The following UTRN variants were observed in gnomAD, a reference collection of about 807,000 sequenced individuals.
UTRN encodes utrophin.
Under a neutral mutation model 463.9 loss-of-function variants are expected in UTRN, and 283 were observed. The ratio of observed to expected loss-of-function variants is 0.61; its 90% CI spans 0.55 to 0.67. The LOEUF is 0.67. Ranked by LOEUF, UTRN falls within the 30% of genes least tolerant of loss-of-function variation. UTRN has a pLI of 0.00. For missense variants in UTRN, 3,922 were observed against 4,084.3 expected (o/e 0.96, Z 1.08); for synonymous variants, 1,442 against 1,431.5 (o/e 1.01, Z -0.17).
rs536015515 is a variant in UTRN at position 144,697,155 on chromosome 6, G to C, written c.7653-2932G>C. ...ATATTCTGTAGTAGACATCATCCTAGGTTGATAATACAGTCAATAAAAGTG... is the reference window on the plus strand; with the variant it reads ...ATATTCTGTAGTAGACATCATCCTACGTTGATAATACAGTCAATAAAAGTG... On this transcript the variant is annotated intron_variant, in intron 52 of 74. Coordinates refer to ENST00000367545, the MANE Select transcript of UTRN (RefSeq NM_007124.3). 4.6e-5 allele frequency among the ~76,000 whole-genome samples: 7 copies of C among 152,176 alleles called. No individual in the cohort carries two copies. The East Asian group carries it at 1.4e-3, about 29-fold the overall frequency.
chr6:144,530,539 G>A (rs1323054703), intron 41 of UTRN, among the ~76,000 whole-genome samples: 5 of 152,012 alleles, frequency 3.3e-5, no homozygotes, highest in African/African-American at 9.7e-5. Context: ...TATTCTTGCC[G>A]GGAACTAAGT....
intron 66 of UTRN, 115 bp from the exon 67 acceptor site, chr6:144,827,233 C>A: frequency 7.9e-7 from 1 of 1,267,884 alleles, no homozygotes; most frequent in Non-Finnish European, 1.1e-6. Flanking sequence ...CTCAGGGCAA[C>A]CACATATATG....
intron 58 of UTRN, among the ~76,000 whole-genome samples, chr6:144,769,973 C>T (rs1006426764): frequency 2.0e-5 from 3 of 152,154 alleles, no homozygotes; most frequent in African/African-American, 7.2e-5. Context: ...GAATTTAGGT[C>T]AAACAACTTC....
At chr6:144,767,825 C>G (rs1477696418) in intron 58 of UTRN, among the ~76,000 whole-genome samples, 5 of 152,034 alleles carry the variant, frequency 3.3e-5, no homozygotes, top group Non-Finnish European at 5.9e-5. Context: ...TTTTACTTAT[C>G]TTTAGTTTTG....
intron 8 of UTRN, 119 bp from the exon 9 acceptor site, chr6:144,429,462 G>C: frequency 1.2e-6 from 1 of 854,098 alleles, no homozygotes; most frequent in Non-Finnish European, 1.7e-6. Context: ...GTATTGCAAA[G>C]ATTATATATT....
At chr6:144,690,707 C>G (rs1783310346) in intron 52 of UTRN, among the ~76,000 whole-genome samples, 1 of 152,172 alleles carries the variant, frequency 6.6e-6, no homozygotes, top group South Asian at 2.1e-4. Flanking sequence ...GCACACACAG[C>G]ACATCCCGAT....
intron 58 of UTRN, 184 bp downstream of exon 58, chr6:144,758,173 A>G: frequency 2.0e-6 from 1 of 505,920 alleles, no homozygotes; most frequent in Non-Finnish European, 3.5e-6. Context: ...TTCATGTATC[A>G]GATTAGGGAT....
intron 59 of UTRN, among the ~76,000 whole-genome samples, chr6:144,774,049 A>T (rs1392101730): frequency 6.6e-6 from 1 of 152,122 alleles, no homozygotes; most frequent in South Asian, 2.1e-4. Flanking sequence ...GAGCCCTGAC[A>T]CCTGTTGAAA....
At chr6:144,779,362 G>T (rs746034502) in intron 60 of UTRN, among the ~76,000 whole-genome samples, 12 of 152,152 alleles carry the variant, frequency 7.9e-5, no homozygotes, top group Non-Finnish European at 1.5e-4. Flanking sequence ...ACTGTGTACA[G>T]TTGACCCTTG....
chr6:144,703,095 A>T (rs1031993573), intron 53 of UTRN, among the ~76,000 whole-genome samples: 1 of 152,210 alleles, frequency 6.6e-6, no homozygotes, highest in Non-Finnish European at 1.5e-5. Context: ...GAGATGATGA[A>T]GAGTAACTGC....
intron 51 of UTRN, among the ~76,000 whole-genome samples, chr6:144,667,056 T>A (rs536347983): frequency 1.4e-5 from 2 of 139,980 alleles, no homozygotes; most frequent in Admixed American, 6.8e-5. Context: ...TCCTTCTACT[T>A]CTTCTTCTTC....
chr6:144,479,798 C>T lies in UTRN; in HGVS notation c.3337-14C>T. 1 of 1,606,664 alleles carries T rather than the reference C, an allele frequency of 6.2e-7. No individual in the cohort carries two copies. Among genetic ancestry groups the T allele is most frequent in the Non-Finnish European group, 8.5e-7 (1 of 1,176,850 alleles). The stretch of plus-strand genomic sequence containing the variant: ...AACATTTGTTTATTTGGGGGAATGG[C>T]TTTTCCTTTGTAGATCGCTACTCAA... On this transcript the variant is annotated splice_polypyrimidine_tract_variant and intron_variant, in intron 25 of 74. Transcript: ENST00000367545.
chr6:144,341,327 T>C (rs755894320), intron 2 of UTRN, among the ~76,000 whole-genome samples: 112 of 152,254 alleles, frequency 7.4e-4, no homozygotes, highest in Admixed American at 1.4e-3. Context: ...TGTTGTACTT[T>C]GTATAGTTTT....
At chr6:144,844,654 C>T (rs1210990394) in intron 73 of UTRN, among the ~76,000 whole-genome samples, 5 of 152,140 alleles carry the variant, frequency 3.3e-5, no homozygotes, top group Admixed American at 1.3e-4. Flanking sequence ...GTACTCAGAA[C>T]GTTTTGTAGG....
At chr6:144,821,124 G>A (rs1423825600) in intron 66 of UTRN, 106 bp downstream of exon 66, 1 of 1,341,926 alleles carries the variant, frequency 7.5e-7, no homozygotes, top group African/African-American at 1.5e-5. Context: ...CTGCATTTTA[G>A]AGGAGGTAAA....
Position 144,555,989 on chromosome 6 carries a change from T to C in UTRN, c.7134+1096T>C, listed in dbSNP as rs546275054. Among the ~76,000 whole-genome samples, 4 of 152,368 alleles carry C rather than the reference T, an allele frequency of 2.6e-5. No individual in the cohort carries two copies. The South Asian group carries it at 8.3e-4, about 32-fold the overall frequency. On this transcript the variant is annotated intron_variant, in intron 49 of 74. Transcript: ENST00000367545. ...CCAAACTGTTTTATCAATTTCGTAA[T>C]AGCAGACATCTTTTTTGTCATCAGT...
At chr6:144,349,012 CT>C (rs941644291) in intron 2 of UTRN, among the ~76,000 whole-genome samples, 26 of 148,866 alleles carry the variant, frequency 1.7e-4, no homozygotes, top group Non-Finnish European at 2.1e-4. Flanking sequence ...CTGAGCAGTT[CT>C]TTTTTTTTTG....
chr6:144,535,075 C>T (rs1797406206), intron 43 of UTRN, among the ~76,000 whole-genome samples: 1 of 152,144 alleles, frequency 6.6e-6, no homozygotes, highest in Non-Finnish European at 1.5e-5. Context: ...AATGATTTAT[C>T]TCCTAGACCT....
chr6:144,499,337 A>G lies in UTRN; in HGVS notation c.4674A>G (p.Glu1558=), dbSNP rs1793965721. 2 of 1,613,920 alleles carry G rather than the reference A, an allele frequency of 1.2e-6. No homozygotes were observed. Among genetic ancestry groups the G allele is most frequent in the Non-Finnish European group, 1.7e-6 (2 of 1,179,890 alleles). ...AGAAAGAGGCTGCTTCTCTCTCTGA[A>G]TGGCTTTCTGCTACTGAAACTGAAT... ...KMKKEAASLS[E]WLSATETELV... is the part of the protein sequence containing the mutation. Residue 1558 remains glutamate (E), a synonymous_variant, in exon 34 of 75, where the codon GAA becomes GAG. Coordinates refer to ENST00000367545, the MANE Select transcript of UTRN (RefSeq NM_007124.3).
Sources: gnomAD v4.1 joint callset for allele counts (sites outside exome capture counted in the v4.1 genomes callset) on GRCh38, gnomAD v4.1.1 for gene constraint, MANE v1.5 for transcripts, NCBI Gene and HGNC (gene_info 2026-07-23, HGNC 2026-07-21) for gene names.